NRXN3: variants seen among roughly 807,000 people sequenced by gnomAD.
NRXN3 encodes neurexin III.
NRXN3 carries 32 observed loss-of-function variants against 137.6 expected under a neutral mutation model. The ratio of observed to expected loss-of-function variants is 0.23; its 90% CI spans 0.18 to 0.31. The LOEUF (loss-of-function observed/expected upper bound fraction) is 0.31, where lower values mean the gene tolerates loss of function less well. Ranked by LOEUF, NRXN3 falls within the 10% of genes least tolerant of loss-of-function variation. The probability of loss-of-function intolerance (pLI) is 1.00; values close to 1 mark genes in which losing one functional copy is unlikely to be tolerated. For missense variants in NRXN3, 1,574 were observed against 2,062.5 expected (o/e 0.76, Z 4.59); for synonymous variants, 798 against 784.5 (o/e 1.02, Z -0.29).
intron 4 of NRXN3, among the ~76,000 whole-genome samples, chr14:78,609,129 G>A (rs966268329): frequency 6.6e-6 from 1 of 152,094 alleles, no homozygotes; most frequent in Admixed American, 6.5e-5. Context: ...TCAGGATGGA[G>A]ATTCATCTTG....
At chr14:79,775,715 A>C in intron 19 of NRXN3, among the ~76,000 whole-genome samples, 1 of 152,306 alleles carries the variant, frequency 6.6e-6, no homozygotes, top group African/African-American at 2.4e-5. Context: ...AGGAGACAGT[A>C]CTGAGACACT....
intron 16 of NRXN3, among the ~76,000 whole-genome samples, chr14:79,623,238 C>A (rs221495): frequency 0.78 from 119,115 of 152,186 alleles, 47,591 homozygotes; most frequent in African/African-American, 0.94. Flanking sequence ...TGGGCAGATG[C>A]ATACAGCAGC....
rs143822304 is a variant in NRXN3, at chr14:79,295,658, T to G, written c.3263-171563T>G. 5.3e-4 allele frequency among the ~76,000 whole-genome samples: 81 copies of G among 152,296 alleles called. 1 individual carries two copies. The highest frequency in any genetic ancestry group is 1.9e-3 in the African/African-American group (80 of 41,572). On this transcript the variant is annotated intron_variant, in intron 15 of 20. Coordinates refer to ENST00000335750, the MANE Select transcript of NRXN3 (RefSeq NM_001330195.2). The stretch of plus-strand genomic sequence containing the variant: ...TAAAGGGATGGATGAATAAATGGCA[T>G]AGATGCTTCACAAATATGGGCTCCC...
At chr14:78,725,389 C>G (rs1015515600) in intron 8 of NRXN3, among the ~76,000 whole-genome samples, 1 of 152,272 alleles carries the variant, frequency 6.6e-6, no homozygotes, top group Non-Finnish European at 1.5e-5. Context: ...AGCATCCTTT[C>G]TGGGTCTGAA....
chr14:79,521,940 T>A (rs558855399), intron 16 of NRXN3, among the ~76,000 whole-genome samples: 2 of 152,330 alleles, frequency 1.3e-5, no homozygotes, highest in East Asian at 3.9e-4. Context: ...ATAGTTTGGC[T>A]GGATATAAAA....
chr14:79,768,565 G>C (rs905637236), intron 19 of NRXN3, among the ~76,000 whole-genome samples: 1 of 152,176 alleles, frequency 6.6e-6, no homozygotes, highest in Non-Finnish European at 1.5e-5. Flanking sequence ...TGAGGGTCCT[G>C]TCTGTTAGAT....
intron 6 of NRXN3, among the ~76,000 whole-genome samples, chr14:78,660,253 T>TTATATATATATATATATATATATATA (rs373491178): frequency 2.1e-4 from 30 of 139,710 alleles, no homozygotes; most frequent in African/African-American, 7.3e-4. Flanking sequence ...AGAAGTAGAT[T>TTATATATATATATATATATATATATA]TATATATATA....
At chr14:79,430,327 G>A (rs373421897) in intron 15 of NRXN3, among the ~76,000 whole-genome samples, 3 of 152,134 alleles carry the variant, frequency 2.0e-5, no homozygotes, top group Non-Finnish European at 4.4e-5. Flanking sequence ...TACCTCAAAC[G>A]TGATGAGTGA....
chr14:78,653,710 T>TACACACACACACACACACACACACAC lies in NRXN3; in HGVS notation c.1221+2392_1221+2417dup, dbSNP rs10650669. Among the ~76,000 whole-genome samples the TACACACACACACACACACACACACAC allele has an allele frequency of 7.3e-4, 105 of 143,004 alleles. 2 individuals are homozygous for TACACACACACACACACACACACACAC. The highest frequency in any genetic ancestry group is 4.9e-3 in the East Asian group (23 of 4,742). 93.8% of individuals were successfully genotyped at this position (143,004 alleles called of 152,430 possible). A position where few individuals can be genotyped will look rare whatever the true frequency, so the allele number is the denominator to read the frequency against. On this transcript the variant is annotated intron_variant, in intron 6 of 20. Coordinates refer to ENST00000335750, the MANE Select transcript of NRXN3 (RefSeq NM_001330195.2). ...CATGTGGAAACAAAAGAAAATAAAA[T>TACACACACACACACACACACACACAC]ACACACACACACACACACACACACA... is the stretch of plus-strand genomic sequence containing the variant.
At chr14:79,217,339 C>G (rs763667660) in intron 15 of NRXN3, among the ~76,000 whole-genome samples, 18 of 152,094 alleles carry the variant, frequency 1.2e-4, no homozygotes, top group African/African-American at 4.3e-4. Flanking sequence ...GCCACACTCT[C>G]AAACAACCAG....
intron 4 of NRXN3, among the ~76,000 whole-genome samples, chr14:78,638,816 A>T (rs1051790661): frequency 4.6e-5 from 7 of 152,222 alleles, no homozygotes; most frequent in Non-Finnish European, 1.0e-4. Context: ...TTAGCTCAAT[A>T]TACCTTTCAG....
At chr14:79,708,551 C>T (rs920244884) in intron 19 of NRXN3, among the ~76,000 whole-genome samples, 5 of 149,392 alleles carry the variant, frequency 3.3e-5, no homozygotes, top group Middle Eastern at 3.2e-3. Context: ...AATAGGAAAA[C>T]GACTTCAAGC....
chr14:78,684,243 A>G lies in NRXN3; in HGVS notation c.1222-24974A>G, dbSNP rs567810400. ...TTACAGGCAGGCCCTGGATGTGTGG[A>G]GTAACAGAGGCCTCTAACGAGGGGG... On this transcript the variant is annotated intron_variant, in intron 6 of 20. Transcript: ENST00000335750. Among the ~76,000 whole-genome samples the G allele has an allele frequency of 2.0e-5, 3 of 152,278 alleles. No homozygotes were observed. In the South Asian group the frequency reaches 6.2e-4, roughly 32 times the overall value.
At chr14:79,728,745 C>T (rs17174751) in intron 19 of NRXN3, among the ~76,000 whole-genome samples, 2,003 of 152,194 alleles carry the variant, frequency 0.013, 20 homozygotes, top group Admixed American at 0.033. Flanking sequence ...CTGATATTGT[C>T]GGGAGTTAGC....
chr14:78,983,491 A>C (rs568277682), intron 14 of NRXN3, among the ~76,000 whole-genome samples: 2 of 152,270 alleles, frequency 1.3e-5, no homozygotes, highest in South Asian at 4.1e-4. Context: ...TTGTTTTCTT[A>C]CTATTGAGTT....
intron 16 of NRXN3, among the ~76,000 whole-genome samples, chr14:79,482,794 T>C (rs1233106063): frequency 1.3e-5 from 2 of 152,200 alleles, no homozygotes; most frequent in Non-Finnish European, 2.9e-5. Context: ...GTAAAGACTT[T>C]GCAATCCTGC....
intron 19 of NRXN3, among the ~76,000 whole-genome samples, chr14:79,785,261 G>T (rs2099126017): frequency 6.6e-6 from 1 of 152,114 alleles, no homozygotes; most frequent in South Asian, 2.1e-4. Flanking sequence ...GTGTACATTT[G>T]ATTTGATTTG....
At chr14:79,165,016 T>TA (rs1335184208) in intron 15 of NRXN3, among the ~76,000 whole-genome samples, 2 of 152,022 alleles carry the variant, frequency 1.3e-5, no homozygotes, top group African/African-American at 2.4e-5. Flanking sequence ...GTAGTATTAA[T>TA]AAAAAATTCT....
intron 4 of NRXN3, among the ~76,000 whole-genome samples, chr14:78,410,610 G>A (rs1029869359): frequency 3.9e-5 from 6 of 152,146 alleles, no homozygotes; most frequent in Admixed American, 6.5e-5. Context: ...GGGGAGATAC[G>A]TGGGTGGGAG....
Sources: allele counts gnomAD v4.1 joint callset (sites outside exome capture counted in the v4.1 genomes callset), GRCh38; gene constraint gnomAD v4.1.1; transcripts MANE v1.5; gene names NCBI Gene and HGNC (gene_info 2026-07-23, HGNC 2026-07-21).